The following GRIK3 variants were observed in gnomAD, a reference collection of about 807,000 sequenced individuals.
GRIK3 encodes glutamate ionotropic receptor kainate type subunit 3.
A neutral mutation model predicts 102.5 loss-of-function variants in GRIK3; 29 were observed. That is an observed-to-expected ratio of 0.28 (90% CI 0.21 to 0.39). The LOEUF (loss-of-function observed/expected upper bound fraction) is 0.39, where lower values mean the gene tolerates loss of function less well. GRIK3 is among the 10% of genes least tolerant of loss of function. GRIK3 has a pLI of 1.00. For missense variants in GRIK3, 908 were observed against 1,252.4 expected (o/e 0.73, Z 4.15); for synonymous variants, 511 against 504.9 (o/e 1.01, Z -0.16).
chr1:37,031,842 G>A (rs1420332015), intron 1 of GRIK3, among the ~76,000 whole-genome samples: 2 of 152,176 alleles, frequency 1.3e-5, no homozygotes, highest in African/African-American at 4.8e-5. Flanking sequence ...GCTCCAGCTG[G>A]GGTTCAAGCA....
At chr1:36,958,215 C>A (rs111718822) in intron 1 of GRIK3, among the ~76,000 whole-genome samples, 3 of 97,144 alleles carry the variant, frequency 3.1e-5, no homozygotes, top group African/African-American at 1.4e-4. Flanking sequence ...GAGTCTGTGC[C>A]CCGTGAGCCT....
intron 10 of GRIK3, among the ~76,000 whole-genome samples, chr1:36,826,808 A>T (rs552008722): frequency 1.1e-4 from 17 of 152,302 alleles, no homozygotes; most frequent in Admixed American, 6.5e-4. Context: ...ATTTTAGCCC[A>T]TCACAATTTT....
rs568049836 is a variant in GRIK3 at position 36,997,911 on chromosome 1, A to G, written c.115+36083T>C. ...GGCCTAGGGAGAGCTAGAGGTGACC[A>G]GGCCCATTTTCCTGGCCATCTCTAT... On this transcript the variant is annotated intron_variant, in intron 1 of 15. Coordinates refer to ENST00000373091, the MANE Select transcript of GRIK3 (RefSeq NM_000831.4). Among the ~76,000 whole-genome samples, 272 of 152,330 alleles carry G rather than the reference A, an allele frequency of 1.8e-3. 2 individuals are homozygous for G. The highest frequency in any genetic ancestry group is 2.2e-3 in the Admixed American group (33 of 15,308).
At chr1:36,823,851 T>G (rs1642723346) in intron 11 of GRIK3, among the ~76,000 whole-genome samples, 1 of 152,174 alleles carries the variant, frequency 6.6e-6, no homozygotes, top group Non-Finnish European at 1.5e-5. Flanking sequence ...TGGTCTGGGT[T>G]TGAAGCCCAA....
intron 1 of GRIK3, among the ~76,000 whole-genome samples, chr1:36,955,533 G>C (rs1412175510): frequency 1.3e-5 from 2 of 151,894 alleles, no homozygotes; most frequent in East Asian, 3.9e-4. Flanking sequence ...ACATACCCCC[G>C]CCCCCGGAGA....
chr1:36,809,207 T>G (rs1483264866), intron 13 of GRIK3, among the ~76,000 whole-genome samples: 1 of 151,800 alleles, frequency 6.6e-6, no homozygotes, highest in Non-Finnish European at 1.5e-5. Flanking sequence ...CCATCATCCA[T>G]CCATCCATCC....
chr1:37,031,802 C>A (rs1174141732), intron 1 of GRIK3, among the ~76,000 whole-genome samples: 1 of 152,244 alleles, frequency 6.6e-6, no homozygotes, highest in African/African-American at 2.4e-5. Flanking sequence ...CTCGCTCGCT[C>A]TTTCTGTCCA....
chr1:36,916,572 G>A (rs1243869069), intron 1 of GRIK3, among the ~76,000 whole-genome samples: 1 of 152,094 alleles, frequency 6.6e-6, no homozygotes, highest in African/African-American at 2.4e-5. Flanking sequence ...TGCAGTCTAG[G>A]GACTTGGTGC....
At chr1:36,949,556 C>T (rs1051620117) in intron 1 of GRIK3, among the ~76,000 whole-genome samples, 9 of 133,904 alleles carry the variant, frequency 6.7e-5, no homozygotes, top group Admixed American at 2.2e-4. Flanking sequence ...TCTTTTTTTT[C>T]TTTCTCTCTC....
chr1:36,876,759 C>G (rs989695494), intron 3 of GRIK3, among the ~76,000 whole-genome samples: 7 of 152,180 alleles, frequency 4.6e-5, no homozygotes, highest in African/African-American at 1.7e-4. Context: ...TCTTTCTACC[C>G]ACTATACATC....
chr1:36,912,971 C>CAG (rs1411684106), intron 1 of GRIK3, among the ~76,000 whole-genome samples: 1 of 152,174 alleles, frequency 6.6e-6, no homozygotes, highest in African/African-American at 2.4e-5. Flanking sequence ...TATGCACAGC[C>CAG]AGGAGGACAC....
intron 1 of GRIK3, among the ~76,000 whole-genome samples, chr1:36,909,873 C>T (rs1375217493): frequency 2.6e-5 from 4 of 152,198 alleles, no homozygotes; most frequent in African/African-American, 9.7e-5. Context: ...ATACCCTAAG[C>T]ATTAGTGCCT....
At chr1:36,839,591 T>C (rs1036263853) in intron 10 of GRIK3, among the ~76,000 whole-genome samples, 4 of 152,182 alleles carry the variant, frequency 2.6e-5, no homozygotes, top group African/African-American at 9.7e-5. Context: ...GGTGATGACA[T>C]GTAATACACT....
At chr1:36,927,233 A>T (rs1641536848) in intron 1 of GRIK3, among the ~76,000 whole-genome samples, 1 of 152,158 alleles carries the variant, frequency 6.6e-6, no homozygotes, top group Non-Finnish European at 1.5e-5. Context: ...TTGTCTTCTG[A>T]GGTTAAAATA....
intron 5 of GRIK3, among the ~76,000 whole-genome samples, chr1:36,864,822 G>C (rs1042568988): frequency 2.6e-5 from 4 of 150,962 alleles, no homozygotes; most frequent in Non-Finnish European, 5.9e-5. Flanking sequence ...CTGGTGAAGA[G>C]GCTCTTTTGT....
intron 1 of GRIK3, among the ~76,000 whole-genome samples, chr1:36,961,674 C>T (rs1216297242): frequency 3.3e-5 from 5 of 152,258 alleles, no homozygotes; most frequent in African/African-American, 1.2e-4. Context: ...ACATGAATGT[C>T]TCGAGATGGC....
intron 1 of GRIK3, among the ~76,000 whole-genome samples, chr1:36,951,976 T>C (rs1641849686): frequency 6.6e-6 from 1 of 151,894 alleles, no homozygotes; most frequent in Non-Finnish European, 1.5e-5. Context: ...GGGAGGAGCA[T>C]CGAAGGGAAA....
At chr1:36,868,183 C>T (rs931961537) in intron 5 of GRIK3, among the ~76,000 whole-genome samples, 1 of 152,198 alleles carries the variant, frequency 6.6e-6, no homozygotes, top group African/African-American at 2.4e-5. Flanking sequence ...TGCCCCACCC[C>T]ACCTTCCCAG....
At chr1:36,883,495 C>G (rs1046498629) in intron 2 of GRIK3, among the ~76,000 whole-genome samples, 8 of 152,238 alleles carry the variant, frequency 5.3e-5, no homozygotes, top group African/African-American at 1.9e-4. Flanking sequence ...AAAAGTGCAC[C>G]TCCTGCAAGT....
Sources: gnomAD v4.1 joint callset for allele counts (sites outside exome capture counted in the v4.1 genomes callset) on GRCh38, gnomAD v4.1.1 for gene constraint, MANE v1.5 for transcripts, NCBI Gene and HGNC (gene_info 2026-07-23, HGNC 2026-07-21) for gene names.